The following AHR variants were observed in gnomAD, a reference collection of about 807,000 sequenced individuals.
AHR encodes AH-receptor.
AHR carries 40 observed loss-of-function variants against 86.8 expected under a neutral mutation model. The ratio of observed to expected loss-of-function variants is 0.46; its 90% CI spans 0.36 to 0.60. The LOEUF is 0.60. AHR is among the 20% of genes least tolerant of loss of function. The pLI is 0.00. For missense variants in AHR, 1,001 were observed against 1,011.6 expected, an observed-to-expected ratio of 0.99 and a Z score of 0.14; for synonymous variants, 398 against 354.9, an observed-to-expected ratio of 1.12 and a Z score of -1.37.
In AHR at chr7:17,342,902, T is replaced by C; in HGVS notation, c.2404-19T>C. ...GGAAGATCTATTCCAATAAGTTGCATCACCATTTTTGTTTTCAGTTTCAGA... is the reference window on the plus strand; with the variant it reads ...GGAAGATCTATTCCAATAAGTTGCACCACCATTTTTGTTTTCAGTTTCAGA... On this transcript the variant is annotated intron_variant, in intron 10 of 10. Coordinates refer to ENST00000242057, the MANE Select transcript of AHR (RefSeq NM_001621.5). 6.2e-7 allele frequency: 1 copy of C among 1,608,856 alleles called. No individual in the cohort carries two copies.
In AHR at chr7:17,334,030, C is replaced by A. The variant is rs113673253; in HGVS notation, c.824C>A (p.Pro275Gln). 1.2e-6 allele frequency: 2 copies of A among 1,613,524 alleles called. No homozygotes were observed. The highest frequency in any genetic ancestry group is 1.7e-5 in the Admixed American group (1 of 59,992). Reference sequence around the variant, plus strand: ...GCGATAGCTACTCCACTTCAGCCACCATCCATACTTGAAATCCGGACCAAA... The same window carrying A: ...GCGATAGCTACTCCACTTCAGCCACAATCCATACTTGAAATCCGGACCAAA... ...LFAIATPLQP[P>Q]SILEIRTKNF... The change falls in exon 7 of 11, where the codon CCA becomes CAA. Residue 275 changes from proline (P) to glutamine (Q), a missense_variant. Transcript: ENST00000242057.
intron 6 of AHR, among the ~76,000 whole-genome samples, chr7:17,331,469 G>A (rs1239595102): frequency 6.6e-6 from 1 of 150,918 alleles, no homozygotes; most frequent in Non-Finnish European, 1.5e-5. Flanking sequence ...AACAAAAATT[G>A]AGTGAAATAA....
At chr7:17,338,115 C>G (rs1293864490) in intron 9 of AHR, among the ~76,000 whole-genome samples, 2 of 149,346 alleles carry the variant, frequency 1.3e-5, no homozygotes, top group African/African-American at 2.5e-5. Flanking sequence ...AGGAGAATGG[C>G]GTGAACCCGG....
At chr7:17,324,285 TGAA>T (rs1490937286) in intron 3 of AHR, among the ~76,000 whole-genome samples, 3 of 152,182 alleles carry the variant, frequency 2.0e-5, no homozygotes, top group Non-Finnish European at 4.4e-5. Context: ...TATCTTTTTA[TGAA>T]GAAGATGACT....
Position 17,329,957 on chromosome 7 carries a change from T to G in AHR, c.456T>G (p.Asp152Glu). ...CTTGTATCTTTTTTCTTTAGTCTGA[T>G]GTCATACATCAGAGTGTATATGAAC... ...IQDYLGFQQS[D>E]VIHQSVYELI... Residue 152 changes from aspartate (D) to glutamate (E), a missense_variant, in exon 5 of 11, where the codon GAT (aspartate) becomes GAG (glutamate). By Grantham distance (45) the Asp-to-Glu change is conservative (BLOSUM62 2). Around this residue, in one of 2 missense-constraint regions of AHR, gnomAD observed 394 missense variants for 468.5 expected, o/e 0.84. Coordinates refer to ENST00000242057, the MANE Select transcript of AHR (RefSeq NM_001621.5). The G allele has an allele frequency of 1.2e-6, 2 of 1,606,666 alleles. No homozygotes were observed. Among genetic ancestry groups the G allele is most frequent in the Non-Finnish European group, 1.7e-6 (2 of 1,176,516 alleles).
intron 1 of AHR, among the ~76,000 whole-genome samples, chr7:17,302,866 C>A (rs952272931): frequency 6.6e-6 from 1 of 151,508 alleles, no homozygotes; most frequent in South Asian, 2.1e-4. Flanking sequence ...GAAACAGAAA[C>A]GTAAATTCTA....
chr7:17,325,311 C>T (rs1158358800), intron 3 of AHR, among the ~76,000 whole-genome samples: 1 of 152,030 alleles, frequency 6.6e-6, no homozygotes, highest in Non-Finnish European at 1.5e-5. Flanking sequence ...TTAAATTATC[C>T]TTCTGTCTTC....
Position 17,343,105 on chromosome 7 carries a change from G to GT in AHR, c.*44dup. Reference sequence around the variant, plus strand: ...TGACCCTGGTTTTTGGATTAAATTAGTTTGTGAAGGATTATGGAAAAATAA... The same window carrying GT: ...TGACCCTGGTTTTTGGATTAAATTAGTTTTGTGAAGGATTATGGAAAAATAA... On this transcript the variant is annotated 3_prime_UTR_variant, in exon 11 of 11. Transcript: ENST00000242057. 6.2e-7 allele frequency: 1 copy of GT among 1,603,450 alleles called. No individual in the cohort carries two copies. Among genetic ancestry groups the GT allele is most frequent in the Non-Finnish European group, 8.5e-7 (1 of 1,171,254 alleles).
intron 5 of AHR, 131 bp downstream of exon 5, chr7:17,330,206 A>G (rs756209559): frequency 2.3e-6 from 2 of 873,804 alleles, no homozygotes; most frequent in Non-Finnish European, 3.4e-6. Context: ...GTCTGCAATC[A>G]TAGGCCACAG....
In AHR at chr7:17,346,143, A is replaced by G. The variant is rs1175561483; in HGVS notation, c.*3079A>G. On this transcript the variant is annotated 3_prime_UTR_variant, in exon 11 of 11. Transcript: ENST00000242057. ...AATAATATATAATAAAATAACAAAT[A>G]TGAATAATATGTTTTAATGTAAATT... 6.6e-6 allele frequency: 1 copy of G among 152,292 alleles called. No homozygotes were observed. Among genetic ancestry groups the G allele is most frequent in the South Asian group, 2.1e-4 (1 of 4,834 alleles). 9.4% of individuals were successfully genotyped at this position (152,292 alleles called of 1,614,324 possible).
intron 1 of AHR, among the ~76,000 whole-genome samples, chr7:17,302,775 CT>C (rs1781967045): frequency 6.6e-6 from 1 of 151,326 alleles, no homozygotes; most frequent in Non-Finnish European, 1.5e-5. Context: ...AGCACCTGTA[CT>C]GCTACTCTCA....
intron 3 of AHR, 67 bp from the exon 4 acceptor site, chr7:17,327,692 T>C (rs1337975344): frequency 5.8e-6 from 5 of 857,190 alleles, no homozygotes; most frequent in Non-Finnish European, 7.1e-6. Context: ...GAGATAAAAG[T>C]AATAACCTTT....
intron 1 of AHR, among the ~76,000 whole-genome samples, chr7:17,303,474 A>G (rs1476049264): frequency 2.6e-5 from 4 of 152,018 alleles, no homozygotes; most frequent in African/African-American, 4.8e-5. Context: ...GTCATTTCCC[A>G]TACATAATTT....
Position 17,340,277 on chromosome 7 carries a change from C to G in AHR, c.2403+49C>G, listed in dbSNP as rs748975389. ...TAAATCTTTCAGTGATTCTTTTTAC[C>G]TTATAGACATGTTACACATTTTTTA... On this transcript the variant is annotated intron_variant, in intron 10 of 10. Transcript: ENST00000242057. 3.3e-6 allele frequency: 5 copies of G among 1,524,956 alleles called. No homozygotes were observed. In the African/African-American group the frequency reaches 6.9e-5, roughly 21 times the overall value. The allele number at this position is 1,524,956 out of a possible 1,614,324, so 94.5% of individuals were successfully genotyped here.
chr7:17,321,812 C>T (rs1194816211), intron 2 of AHR, among the ~76,000 whole-genome samples: 4 of 151,864 alleles, frequency 2.6e-5, no homozygotes, highest in Non-Finnish European at 1.5e-5. Flanking sequence ...TTGTAGACAA[C>T]TTTAAAACAT....
intron 1 of AHR, among the ~76,000 whole-genome samples, chr7:17,306,197 C>T (rs1432032822): frequency 2.0e-5 from 3 of 151,916 alleles, no homozygotes; most frequent in Non-Finnish European, 2.9e-5. Flanking sequence ...CTTAAAGATT[C>T]GAAGACAATA....
chr7:17,311,957 T>A (rs1249875409), intron 2 of AHR, among the ~76,000 whole-genome samples: 1 of 152,170 alleles, frequency 6.6e-6, no homozygotes, highest in Non-Finnish European at 1.5e-5. Context: ...AAGTGTAGTA[T>A]CCAGACAGGC....
intron 1 of AHR, among the ~76,000 whole-genome samples, chr7:17,307,394 T>C (rs1423153104): frequency 6.6e-6 from 1 of 151,976 alleles, no homozygotes; most frequent in Non-Finnish European, 1.5e-5. Context: ...TGGGGCAGAG[T>C]TGCTAATCCA....
chr7:17,340,523 T>C (rs1025970351), intron 10 of AHR, among the ~76,000 whole-genome samples: 2 of 152,204 alleles, frequency 1.3e-5, no homozygotes, highest in African/African-American at 4.8e-5. Context: ...AATTAGTTTT[T>C]AGAAGTATTT....
Sources: gnomAD v4.1 joint callset for allele counts (sites outside exome capture counted in the v4.1 genomes callset) on GRCh38, gnomAD v4.1.1 for gene constraint, gnomAD v4.1.1 regional missense constraint, MANE v1.5 for transcripts, NCBI Gene and HGNC (gene_info 2026-07-23, HGNC 2026-07-21) for gene names.